SEM1: variants seen among roughly 807,000 people sequenced by gnomAD.
The protein encoded by SEM1 is 26S proteasome complex subunit SEM1.
Under a neutral mutation model 12.7 loss-of-function variants are expected in SEM1, and 3 were observed. That is an observed-to-expected ratio of 0.24 (90% CI 0.11 to 0.61). The LOEUF (loss-of-function observed/expected upper bound fraction) is 0.61. Ranked by LOEUF, SEM1 falls within the 20% of genes least tolerant of loss-of-function variation. The pLI is 0.88. For missense variants in SEM1, 59 were observed against 81.3 expected (o/e 0.73, Z 1.06); for synonymous variants, 30 against 27.8 (o/e 1.08, Z -0.25).
intron 2 of SEM1, among the ~76,000 whole-genome samples, chr7:96,692,484 G>C (rs557346207): frequency 6.6e-6 from 1 of 152,074 alleles, no homozygotes; most frequent in African/African-American, 2.4e-5. Flanking sequence ...ATGCCAAGGC[G>C]GAACAAAAGG....
chr7:96,517,643 G>A (rs1487856987), intron 2 of SEM1, among the ~76,000 whole-genome samples: 1 of 152,030 alleles, frequency 6.6e-6, no homozygotes, highest in Non-Finnish European at 1.5e-5. Context: ...GCTGTTCCCT[G>A]ATAGTTGTCT....
chr7:96,612,061 A>G (rs1193503921), intron 2 of SEM1, among the ~76,000 whole-genome samples: 1 of 152,204 alleles, frequency 6.6e-6, no homozygotes, highest in African/African-American at 2.4e-5. Context: ...TGGTTTGCCA[A>G]AATAATGACC....
intron 1 of SEM1, 144 bp downstream of exon 1, chr7:96,709,544 G>A (rs1009492702): frequency 1.9e-5 from 14 of 745,996 alleles, no homozygotes; most frequent in Non-Finnish European, 3.0e-5. Flanking sequence ...CCACTGAGGG[G>A]TGAGCGTTAG....
At chr7:96,565,688 G>GA (rs1244996167) in intron 2 of SEM1, among the ~76,000 whole-genome samples, 1 of 151,596 alleles carries the variant, frequency 6.6e-6, no homozygotes, top group Non-Finnish European at 1.5e-5. Flanking sequence ...TTTTACTGAT[G>GA]AAAAAAGGCT....
chr7:96,573,019 C>T (rs1319893638), intron 2 of SEM1, among the ~76,000 whole-genome samples: 5 of 151,920 alleles, frequency 3.3e-5, no homozygotes, highest in Non-Finnish European at 7.4e-5. Context: ...TTGCATTGAT[C>T]CCTTTACCAT....
intron 2 of SEM1, among the ~76,000 whole-genome samples, chr7:96,682,113 T>C (rs1313783145): frequency 1.3e-5 from 2 of 152,032 alleles, no homozygotes; most frequent in African/African-American, 4.8e-5. Context: ...CCCTTGTAAA[T>C]TGTAGTCCTA....
At chr7:96,697,333 AAT>A (rs1256527488) in intron 1 of SEM1, 1 of 151,748 alleles carries the variant, frequency 6.6e-6, no homozygotes, top group Non-Finnish European at 1.5e-5. Context: ...ACTAGCTTTA[AAT>A]TTAAAAAATC....
chr7:96,522,229 A>G (rs77750449), intron 2 of SEM1, among the ~76,000 whole-genome samples: 13 of 152,206 alleles, frequency 8.5e-5, no homozygotes, highest in African/African-American at 2.4e-4. Flanking sequence ...CACATGCTCT[A>G]TGTTACCATT....
chr7:96,555,038 G>A (rs1342737459), intron 2 of SEM1, among the ~76,000 whole-genome samples: 19 of 149,960 alleles, frequency 1.3e-4, no homozygotes, highest in African/African-American at 4.2e-4. Flanking sequence ...GGGATTGGTG[G>A]TGATATCCCC....
intron 2 of SEM1, among the ~76,000 whole-genome samples, chr7:96,537,013 G>T (rs899738681): frequency 7.9e-5 from 12 of 151,328 alleles, no homozygotes; most frequent in Admixed American, 7.2e-4. Context: ...TGCTTTCCTT[G>T]GTTTTAACTT....
At chr7:96,664,530 T>G (rs958553575) in intron 2 of SEM1, among the ~76,000 whole-genome samples, 5 of 152,200 alleles carry the variant, frequency 3.3e-5, no homozygotes, top group African/African-American at 1.2e-4. Flanking sequence ...TTTAAGTACT[T>G]GGGTGATTAG....
intron 2 of SEM1, among the ~76,000 whole-genome samples, chr7:96,510,950 A>T (rs1216469466): frequency 6.6e-6 from 1 of 152,108 alleles, no homozygotes; most frequent in African/African-American, 2.4e-5. Flanking sequence ...GTAAGCTAGA[A>T]GGGCTGTCAT....
chr7:96,676,274 T>G (rs1284091436), intron 2 of SEM1, among the ~76,000 whole-genome samples: 1 of 152,196 alleles, frequency 6.6e-6, no homozygotes, highest in African/African-American at 2.4e-5. Flanking sequence ...AGTAATGCAA[T>G]GACATTGCAC....
chr7:96,666,661 A>T (rs1190891515), intron 2 of SEM1, among the ~76,000 whole-genome samples: 2 of 148,498 alleles, frequency 1.3e-5, no homozygotes, highest in African/African-American at 5.0e-5. Context: ...TTTTGCCTCA[A>T]CCATAAAGAT....
At position 96,640,107 on chromosome 7, in the gene SEM1, A is replaced by G. The variant is rs1020804655; in HGVS notation, c.171-17464T>C. Among the ~76,000 whole-genome samples, 4 of 152,048 alleles carry G rather than the reference A, an allele frequency of 2.6e-5. No individual in the cohort carries two copies. The highest frequency in any genetic ancestry group is 9.7e-5 in the African/African-American group (4 of 41,440). ...TGTAGAGCAACAGGAATTATCATTC[A>G]CTGCTGTAATGAATACAAATGCAAA... is the stretch of plus-strand genomic sequence containing the variant. On this transcript the variant is annotated intron_variant, in intron 2 of 2. Coordinates refer to the SEM1 transcript ENST00000417009. The surrounding 1 kb of genome is among the most constrained non-coding windows in gnomAD (Gnocchi z 4.0).
chr7:96,697,971 G>A (rs549311622), intron 1 of SEM1, among the ~76,000 whole-genome samples: 2 of 152,182 alleles, frequency 1.3e-5, no homozygotes, highest in South Asian at 2.1e-4. Context: ...ACGTAGCACG[G>A]CACCACTTTG....
chr7:96,531,774 A>G (rs1804651044), intron 2 of SEM1, among the ~76,000 whole-genome samples: 1 of 152,136 alleles, frequency 6.6e-6, no homozygotes. Context: ...GGTAGTTAAT[A>G]TGGCAAGAAT....
intron 2 of SEM1, among the ~76,000 whole-genome samples, chr7:96,606,358 T>C (rs1445081922): frequency 6.6e-6 from 1 of 152,198 alleles, no homozygotes; most frequent in Admixed American, 6.5e-5. Context: ...GCTCAGATTC[T>C]ATTTAGCTAT....
chr7:96,570,643 C>T (rs1191770059), intron 2 of SEM1, among the ~76,000 whole-genome samples: 5 of 151,808 alleles, frequency 3.3e-5, no homozygotes, highest in Admixed American at 2.6e-4. Flanking sequence ...TGAACAGTGC[C>T]GCGATAAACG....
Sources: gnomAD v4.1 joint callset for allele counts (sites outside exome capture counted in the v4.1 genomes callset) on GRCh38, gnomAD v4.1.1 for gene constraint, Gnocchi (gnomAD v3.1) non-coding constraint, MANE v1.5 for transcripts, NCBI Gene and HGNC (gene_info 2026-07-23, HGNC 2026-07-21) for gene names.